Variants in TMED4 observed in about 807,000 individuals in gnomAD.
TMED4 encodes the protein transmembrane emp24 domain-containing protein 4.
A neutral mutation model predicts 26.5 loss-of-function variants in TMED4; 19 were observed. The ratio of observed to expected loss-of-function variants is 0.72; its 90% CI spans 0.50 to 1.05. TMED4 has a LOEUF of 1.05. Ranked by LOEUF, TMED4 falls within the 50% of genes least tolerant of loss-of-function variation. TMED4 has a pLI of 0.00. For synonymous variants in TMED4, 121 were observed against 119.8 expected, an observed-to-expected ratio of 1.01 and a Z score of -0.07; for missense variants, 303 against 302.5, an observed-to-expected ratio of 1.00 and a Z score of -0.01.
Position 44,582,040 on chromosome 7 carries a change from G to A in TMED4, c.160+7C>T. ...CAAAGGGCCTCCCCACCCTCAGCCC[G>A]CCTGACCGATGACCATGGTCTCGTC... On this transcript the variant is annotated splice_region_variant and intron_variant, in intron 1 of 4. Coordinates refer to ENST00000457408, the MANE Select transcript of TMED4 (RefSeq NM_182547.4). 1.3e-6 allele frequency: 2 copies of A among 1,555,002 alleles called. No homozygotes were observed. Among genetic ancestry groups the A allele is most frequent in the Non-Finnish European group, 1.7e-6 (2 of 1,148,632 alleles).
Position 44,582,113 on chromosome 7 carries a change from A to C in TMED4, c.94T>G (p.Phe32Val). ...LCATGAQGLY[F>V]HIGETEKRCF... is the part of the protein sequence containing the mutation. ...CGCTTCTCGGTCTCGCCGATGTGGA[A>C]GTAGAGCCCCTGGGCGCCTGTGGCG... The change falls in exon 1 of 5, where the codon TTC becomes GTC. Residue 32 changes from phenylalanine (F) to valine (V), a missense_variant. Phe to Val is a conservative substitution (Grantham distance 50). Coordinates refer to ENST00000457408, the MANE Select transcript of TMED4 (RefSeq NM_182547.4). 6.4e-7 allele frequency: 1 copy of C among 1,559,076 alleles called. No homozygotes were observed. The highest frequency in any genetic ancestry group is 8.7e-7 in the Non-Finnish European group (1 of 1,151,758).
In TMED4 at chr7:44,581,009, TG is replaced by T. The variant is rs567888212; in HGVS notation, c.534+83del. 8.0e-3 allele frequency: 11,616 copies of T among 1,445,180 alleles called. 64 individuals are homozygous for T. The highest frequency in any genetic ancestry group is 0.01 in the Non-Finnish European group (10,391 of 1,034,618). 89.5% of individuals were successfully genotyped at this position (1,445,180 alleles called of 1,614,324 possible). On this transcript the variant is annotated intron_variant, in intron 4 of 4. Transcript: ENST00000457408. ...CTTCTCATTCCATTCTCTGCAGAGC[TG>T]ATCTCCCAAGCAGAAACTTGAGTAG...
In TMED4 at chr7:44,580,672, C is replaced by T. The variant is rs566747910; in HGVS notation, c.534+421G>A. 1.3e-3 allele frequency: 226 copies of T among 169,330 alleles called. 3 individuals carry two copies. Among genetic ancestry groups the T allele is most frequent in the African/African-American group, 5.3e-3 (221 of 41,686 alleles). The allele number at this position is 169,330 out of a possible 1,614,324, so 10.5% of individuals were successfully genotyped here. A position where few individuals can be genotyped will look rare whatever the true frequency, so the allele number is the denominator to read the frequency against. ...TGATAAAAAAGCAAAACAGGCAGGG[C>T]GCGGTAGCTCACACCTGTAATCCCA... On this transcript the variant is annotated intron_variant, in intron 4 of 4. Coordinates refer to ENST00000457408, the MANE Select transcript of TMED4 (RefSeq NM_182547.4).
Position 44,582,218 on chromosome 7 carries a change from C to A in TMED4, c.-12G>T. ...CCGACACCTGCCATCGCGCCTCAGCCCCTAAGCGCCTGCGCACATTTGCGC... is the reference window on the plus strand; with the variant it reads ...CCGACACCTGCCATCGCGCCTCAGCACCTAAGCGCCTGCGCACATTTGCGC... On this transcript the variant is annotated 5_prime_UTR_variant, in exon 1 of 5. Coordinates refer to ENST00000457408, the MANE Select transcript of TMED4 (RefSeq NM_182547.4). 1 of 1,535,178 alleles carries A rather than the reference C, an allele frequency of 6.5e-7. No homozygotes were observed. Among genetic ancestry groups the A allele is most frequent in the East Asian group, 2.4e-5 (1 of 40,844 alleles).
rs966078231 is a variant in TMED4, at chr7:44,579,109, C to G, written c.*370G>C. ...AGCAGACAGTGAGGCAGGGCCTGCT[C>G]TGTGGCACATGCCAGTCACCTACTG... On this transcript the variant is annotated 3_prime_UTR_variant, in exon 5 of 5. Transcript: ENST00000457408. 2.7e-5 allele frequency: 5 copies of G among 186,952 alleles called. No individual in the cohort carries two copies. Among genetic ancestry groups the G allele is most frequent in the Admixed American group, 1.7e-4 (3 of 17,914 alleles). 11.6% of individuals were successfully genotyped at this position (186,952 alleles called of 1,614,324 possible).
chr7:44,581,217 A>G lies in TMED4; in HGVS notation c.410T>C (p.Val137Ala), dbSNP rs1398376035. 14 of 1,614,084 alleles carry G rather than the reference A, an allele frequency of 8.7e-6. No individual in the cohort carries two copies. The highest frequency in any genetic ancestry group is 4.5e-5 in the East Asian group (2 of 44,874). Reference protein sequence around the residue: ...GKLRVHLDIQVGEHANNYPEI... With the variant: ...GKLRVHLDIQAGEHANNYPEI... ...AGGGTAGTTGTTGGCATGCTCCCCA[A>G]CCTGGATGTCGAGATGCACCCGCTA... The change falls in exon 4 of 5, where the codon GTT (valine) becomes GCT (alanine). Residue 137 changes from valine to alanine, a missense_variant. Transcript: ENST00000457408.
chr7:44,581,153 G>T lies in TMED4; in HGVS notation c.474C>A (p.Leu158=). The change falls in exon 4 of 5, where the codon CTC becomes CTA. Residue 158 remains leucine, a synonymous_variant. Coordinates refer to ENST00000457408, the MANE Select transcript of TMED4 (RefSeq NM_182547.4). ...CCTGATCAAGCAACTGGCGGGCGCGGAGCTGTAGCTCCGTCAGCTTATCTT... is the reference window on the plus strand; with the variant it reads ...CCTGATCAAGCAACTGGCGGGCGCGTAGCTGTAGCTCCGTCAGCTTATCTT... ...AAKDKLTELQ[L]RARQLLDQVE... is the part of the protein sequence containing the mutation. 1 of 1,614,166 alleles carries T rather than the reference G, an allele frequency of 6.2e-7. No homozygotes were observed.
chr7:44,582,164 G>T lies in TMED4; in HGVS notation c.43C>A (p.Gln15Lys). ...GAGPLRAMGR[Q>K]ALLLLALCAT... ...CACAGCGCGAGAAGCAGCAGGGCCT[G>T]CCGCCCCATCGCCCGCAGAGGCCCA... The change falls in exon 1 of 5, where the codon CAG becomes AAG. Residue 15 changes from glutamine to lysine, a missense_variant. Coordinates refer to ENST00000457408, the MANE Select transcript of TMED4 (RefSeq NM_182547.4). 6.5e-7 allele frequency: 1 copy of T among 1,548,960 alleles called. No individual in the cohort carries two copies. Among genetic ancestry groups the T allele is most frequent in the Non-Finnish European group, 8.7e-7 (1 of 1,146,394 alleles).
rs375792418 is a variant in TMED4 at position 44,581,431 on chromosome 7, A to T, written c.387+18T>A. On this transcript the variant is annotated intron_variant, in intron 3 of 4. Coordinates refer to ENST00000457408, the MANE Select transcript of TMED4 (RefSeq NM_182547.4). ...AGTGAGAGATTCTAAGCTGAAGCCA[A>T]AGAGAAAATCCTCTTACCAGTTTGC... The T allele has an allele frequency of 6.2e-7, 1 of 1,614,030 alleles. No individual in the cohort carries two copies. Among genetic ancestry groups the T allele is most frequent in the African/African-American group, 1.3e-5 (1 of 74,948 alleles).
At chr7:44,580,665 G>A (rs1201286130) in intron 4 of TMED4, 3 of 166,452 alleles carry the variant, frequency 1.8e-5, no homozygotes, top group Admixed American at 5.8e-5. Context: ...AAGCAAAACA[G>A]GCAGGGCGCG....
In TMED4 at chr7:44,578,159, CT is replaced by C. The variant is rs1248801599; in HGVS notation, c.*1319del. 1 of 152,188 alleles carries C rather than the reference CT, an allele frequency of 6.6e-6. No homozygotes were observed. The highest frequency in any genetic ancestry group is 2.4e-5 in the African/African-American group (1 of 41,458). The allele number at this position is 152,188 out of a possible 1,614,324, so 9.4% of individuals were successfully genotyped here. A position where few individuals can be genotyped will look rare whatever the true frequency, so the allele number is the denominator to read the frequency against. ...ACCACACCGTGTATTCCCATACCCC[CT>C]AGACTGCCTGTCCAGGCCAAGCCTT... On this transcript the variant is annotated 3_prime_UTR_variant, in exon 5 of 5. Coordinates refer to ENST00000457408, the MANE Select transcript of TMED4 (RefSeq NM_182547.4).
rs1362752809 is a variant in TMED4, at chr7:44,577,938, TATA to T, written c.*1538_*1540del. The stretch of plus-strand genomic sequence containing the variant: ...TAATTTAATAAATATTTCAAATAAA[TATA>T]TAATAAAAACTGAAATAAAATGTCA... On this transcript the variant is annotated 3_prime_UTR_variant, in exon 5 of 5. Coordinates refer to ENST00000457408, the MANE Select transcript of TMED4 (RefSeq NM_182547.4). 2.0e-5 allele frequency: 3 copies of T among 152,036 alleles called. No individual in the cohort carries two copies. The highest frequency in any genetic ancestry group is 4.4e-5 in the Non-Finnish European group (3 of 68,006). The allele number at this position is 152,036 out of a possible 1,614,324, so 9.4% of individuals were successfully genotyped here. A position where few individuals can be genotyped will look rare whatever the true frequency, so the allele number is the denominator to read the frequency against.
Position 44,582,199 on chromosome 7 carries a change from C to A in TMED4, c.8G>T (p.Gly3Val). Residue 3 changes from glycine to valine, a missense_variant, in exon 1 of 5, where the codon GGT becomes GTT. Coordinates refer to ENST00000457408, the MANE Select transcript of TMED4 (RefSeq NM_182547.4). ...CGCCCGCAGAGGCCCAGCCCCGACA[C>A]CTGCCATCGCGCCTCAGCCCCTAAG... MAGVGAGPLRAMG... is the reference protein window; with the variant it reads MAVVGAGPLRAMG... 1.9e-6 allele frequency: 3 copies of A among 1,543,560 alleles called. No individual in the cohort carries two copies. The highest frequency in any genetic ancestry group is 1.8e-4 in the Middle Eastern group (1 of 5,592).
At position 44,579,607 on chromosome 7, in the gene TMED4, G is replaced by C; in HGVS notation, c.556C>G (p.Leu186Val). ...CTCTGGTTGGTGCTCTCGCTCGTCAGTCGGAAGCGCTCTTCACGATACTGT... is the reference window on the plus strand; with the variant it reads ...CTCTGGTTGGTGCTCTCGCTCGTCACTCGGAAGCGCTCTTCACGATACTGT... The part of the protein sequence containing the change: ...YQRYREERFR[L>V]TSESTNQRVL... Residue 186 changes from leucine (L) to valine (V), a missense_variant, in exon 5 of 5, where the codon CTG becomes GTG. Transcript: ENST00000457408. 6.2e-7 allele frequency: 1 copy of C among 1,614,054 alleles called. No homozygotes were observed. Among genetic ancestry groups the C allele is most frequent in the Non-Finnish European group, 8.5e-7 (1 of 1,179,940 alleles).
Position 44,579,607 on chromosome 7 carries a change from G to T in TMED4, c.556C>A (p.Leu186Met). The T allele has an allele frequency of 1.2e-6, 2 of 1,614,054 alleles. No individual in the cohort carries two copies. The highest frequency in any genetic ancestry group is 1.7e-6 in the Non-Finnish European group (2 of 1,179,940). The change falls in exon 5 of 5, where the codon CTG becomes ATG. Residue 186 changes from leucine (L) to methionine (M), a missense_variant. Physicochemically the swap from Leu to Met is conservative, Grantham distance 15. Coordinates refer to ENST00000457408, the MANE Select transcript of TMED4 (RefSeq NM_182547.4). ...YQRYREERFR[L>M]TSESTNQRVL... ...CTCTGGTTGGTGCTCTCGCTCGTCA[G>T]TCGGAAGCGCTCTTCACGATACTGT... is the stretch of plus-strand genomic sequence containing the variant.
intron 4 of TMED4, 144 bp from the exon 5 acceptor site, chr7:44,579,772 C>G (rs1330550555): frequency 1.5e-5 from 11 of 718,870 alleles, no homozygotes; most frequent in Non-Finnish European, 2.4e-5. Flanking sequence ...CTATGGTCTC[C>G]CCACTGAGGC....
chr7:44,579,294 G>A lies in TMED4; in HGVS notation c.*185C>T. 1 of 552,044 alleles carries A rather than the reference G, an allele frequency of 1.8e-6. No individual in the cohort carries two copies. The highest frequency in any genetic ancestry group is 3.1e-6 in the Non-Finnish European group (1 of 319,766). The allele number at this position is 552,044 out of a possible 1,614,324, so 34.2% of individuals were successfully genotyped here. On this transcript the variant is annotated 3_prime_UTR_variant, in exon 5 of 5. Transcript: ENST00000457408. ...CCTAAGACAAGATTTTGAAAGATTG[G>A]ACTAATGTCATGTGTCCTTAAGAAC...
intron 4 of TMED4, 169 bp downstream of exon 4, chr7:44,580,924 G>C: frequency 1.4e-6 from 1 of 726,772 alleles, no homozygotes; most frequent in South Asian, 1.9e-5. Context: ...CTCCAGCATG[G>C]GCAACAAGAG....
rs758808658 is a variant in TMED4 at position 44,581,207 on chromosome 7, A to T, written c.420T>A (p.His140Gln). Residue 140 changes from histidine (H) to glutamine (Q), a missense_variant, in exon 4 of 5, where the codon CAT becomes CAA. By Grantham distance (24) the His-to-Gln change is conservative. Transcript: ENST00000457408. ...RVHLDIQVGE[H>Q]ANNYPEIAAK... Reference sequence around the variant, plus strand: ...CAGCAATCTCAGGGTAGTTGTTGGCATGCTCCCCAACCTGGATGTCGAGAT... The same window carrying T: ...CAGCAATCTCAGGGTAGTTGTTGGCTTGCTCCCCAACCTGGATGTCGAGAT... 6.2e-7 allele frequency: 1 copy of T among 1,614,098 alleles called. No homozygotes were observed. Among genetic ancestry groups the T allele is most frequent in the South Asian group, 1.1e-5 (1 of 91,090 alleles).
Sources: gnomAD v4.1 joint callset for allele counts on GRCh38, gnomAD v4.1.1 for gene constraint, MANE v1.5 for transcripts, NCBI Gene and HGNC (gene_info 2026-07-23, HGNC 2026-07-21) for gene names.